TMEFF2: variants seen among roughly 807,000 people sequenced by gnomAD.
TMEFF2 encodes tomoregulin-2.
Under a neutral mutation model 53.8 loss-of-function variants are expected in TMEFF2, and 28 were observed. The ratio of observed to expected loss-of-function variants is 0.52; its 90% CI spans 0.39 to 0.71. The LOEUF is 0.71. TMEFF2 is among the 30% of genes least tolerant of loss of function. TMEFF2 has a pLI of 0.00. For missense variants in TMEFF2, 353 were observed against 455.2 expected (o/e 0.78, Z 2.04); for synonymous variants, 162 against 166.3 (o/e 0.97, Z 0.20).
intron 5 of TMEFF2, among the ~76,000 whole-genome samples, chr2:192,055,774 C>CAAAAAAAA (rs71405038): frequency 4.7e-4 from 20 of 42,498 alleles, no homozygotes; most frequent in African/African-American, 1.4e-3. Flanking sequence ...GACTCCATCT[C>CAAAAAAAA]AAAAAAAAAA....
chr2:191,982,504 C>CAAAAA (rs10678696), intron 7 of TMEFF2, among the ~76,000 whole-genome samples: 8 of 138,664 alleles, frequency 5.8e-5, no homozygotes, highest in African/African-American at 1.6e-4. Flanking sequence ...TGAAAACAGG[C>CAAAAA]AAAAAAAAAA....
intron 4 of TMEFF2, among the ~76,000 whole-genome samples, chr2:192,131,356 G>A (rs1689822586): frequency 6.6e-6 from 1 of 150,990 alleles, no homozygotes; most frequent in African/African-American, 2.4e-5. Flanking sequence ...CTTTTCTGGG[G>A]AAGGGGCAAG....
chr2:192,035,033 G>A (rs1687250983), intron 5 of TMEFF2: 1 of 152,124 alleles, frequency 6.6e-6, no homozygotes, highest in Non-Finnish European at 1.5e-5. Context: ...ACTGTTTCCT[G>A]TCACAGGATT....
At chr2:191,968,112 T>C (rs991089118) in intron 7 of TMEFF2, among the ~76,000 whole-genome samples, 10 of 152,204 alleles carry the variant, frequency 6.6e-5, no homozygotes, top group African/African-American at 9.6e-5. Context: ...ACTAACAGAA[T>C]TGACAACAAG....
intron 5 of TMEFF2, among the ~76,000 whole-genome samples, chr2:192,045,022 G>A (rs1687581034): frequency 6.6e-6 from 1 of 152,132 alleles, no homozygotes; most frequent in Non-Finnish European, 1.5e-5. Context: ...GGGCCTAATT[G>A]TCATGGCACC....
intron 5 of TMEFF2, among the ~76,000 whole-genome samples, chr2:192,007,079 C>T (rs1330315005): frequency 6.6e-6 from 1 of 152,196 alleles, no homozygotes; most frequent in Admixed American, 6.5e-5. Context: ...GAAATCTCAG[C>T]TACTCTGACT....
chr2:192,121,581 TC>T (rs1361431175), intron 4 of TMEFF2, among the ~76,000 whole-genome samples: 1 of 152,170 alleles, frequency 6.6e-6, no homozygotes, highest in Non-Finnish European at 1.5e-5. Context: ...AAATTCTGAT[TC>T]AGTTGGTCAT....
At chr2:192,008,211 A>G (rs772804325) in intron 5 of TMEFF2, among the ~76,000 whole-genome samples, 2 of 152,196 alleles carry the variant, frequency 1.3e-5, no homozygotes, top group African/African-American at 2.4e-5. Flanking sequence ...TTGATTTAAA[A>G]TGACTGAAAC....
At chr2:192,088,649 A>C (rs904250556) in intron 4 of TMEFF2, among the ~76,000 whole-genome samples, 1 of 152,156 alleles carries the variant, frequency 6.6e-6, no homozygotes, top group Non-Finnish European at 1.5e-5. Flanking sequence ...CTCTCTAGGC[A>C]AACCCAAGTA....
At chr2:192,039,636 A>T (rs1258590585) in intron 5 of TMEFF2, among the ~76,000 whole-genome samples, 3 of 152,212 alleles carry the variant, frequency 2.0e-5, no homozygotes, top group Non-Finnish European at 1.5e-5. Flanking sequence ...CCAACTGTTC[A>T]TAAAGTAGTT....
intron 4 of TMEFF2, among the ~76,000 whole-genome samples, chr2:192,156,478 T>A (rs1690509392): frequency 6.6e-6 from 1 of 151,976 alleles, no homozygotes. Context: ...TTAATCCTTA[T>A]ACCCTACTGC....
At chr2:192,126,176 C>T (rs1689674559) in intron 4 of TMEFF2, among the ~76,000 whole-genome samples, 1 of 152,100 alleles carries the variant, frequency 6.6e-6, no homozygotes. Context: ...ATAATACGCA[C>T]CATGAATTAC....
At chr2:192,178,011 A>G (rs531655758) in intron 4 of TMEFF2, 1 of 151,144 alleles carries the variant, frequency 6.6e-6, no homozygotes, top group Non-Finnish European at 1.5e-5. Flanking sequence ...AGAAAAAAGT[A>G]AATGATGATG....
chr2:192,025,994 C>T (rs1483563269), intron 5 of TMEFF2, among the ~76,000 whole-genome samples: 1 of 152,142 alleles, frequency 6.6e-6, no homozygotes, highest in Admixed American at 6.6e-5. Context: ...GATAAAAAGA[C>T]AATGCATTTA....
intron 7 of TMEFF2, among the ~76,000 whole-genome samples, chr2:191,985,797 T>C (rs1017752868): frequency 2.6e-4 from 39 of 152,230 alleles, no homozygotes; most frequent in Admixed American, 2.1e-3. Context: ...TAAACAAATA[T>C]CCTCACTGTC....
intron 4 of TMEFF2, among the ~76,000 whole-genome samples, chr2:192,087,523 C>T (rs78316098): frequency 0.017 from 2,538 of 152,078 alleles, 26 homozygotes; most frequent in Non-Finnish European, 0.024. Flanking sequence ...AGAGACAGCC[C>T]GTCAAATCTT....
At chr2:192,027,483 T>C (rs1687000478) in intron 5 of TMEFF2, among the ~76,000 whole-genome samples, 1 of 152,108 alleles carries the variant, frequency 6.6e-6, no homozygotes, top group Admixed American at 6.6e-5. Context: ...ATAGAGAGTA[T>C]ACGAAAGAAA....
intron 4 of TMEFF2, among the ~76,000 whole-genome samples, chr2:192,114,947 TCA>T (rs921413971): frequency 6.6e-6 from 1 of 151,996 alleles, no homozygotes; most frequent in Admixed American, 6.6e-5. Flanking sequence ...TATCAAATCA[TCA>T]CACTATATAG....
rs1461602630 is a variant in TMEFF2, at chr2:192,173,076, CACA to C, written c.439+6589_439+6591del. On this transcript the variant is annotated intron_variant, in intron 4 of 9. Transcript: ENST00000272771. The stretch of plus-strand genomic sequence containing the variant: ...AGGAATAAGATCTAGTGTTTGGTAG[CACA>C]ACAAGATGACTATAGTTAACAATGA... Among the ~76,000 whole-genome samples the C allele has an allele frequency of 3.3e-5, 5 of 151,728 alleles. No homozygotes were observed. In the East Asian group the frequency reaches 5.8e-4, roughly 18 times the overall value.
Sources: allele counts gnomAD v4.1 joint callset (sites outside exome capture counted in the v4.1 genomes callset), GRCh38; gene constraint gnomAD v4.1.1; transcripts MANE v1.5; gene names NCBI Gene and HGNC (gene_info 2026-07-23, HGNC 2026-07-21).